Variants in IMMP2L observed in about 807,000 individuals in gnomAD.
The protein encoded by IMMP2L is inner mitochondrial membrane peptidase subunit 2, also known as mitochondrial inner membrane protease subunit 2.
IMMP2L carries 18 observed loss-of-function variants against 19.3 expected under a neutral mutation model. The ratio of observed to expected loss-of-function variants is 0.93; its 90% confidence interval spans 0.64 to 1.38. The LOEUF is 1.38. IMMP2L is among the 40% of genes most tolerant of loss of function. The pLI, the probability that IMMP2L is intolerant of heterozygous loss-of-function variation, is 0.00. For synonymous variants in IMMP2L, 76 were observed against 73.0 expected (o/e 1.04, Z -0.21); for missense variants, 233 against 218.2 (o/e 1.07, Z -0.43).
chr7:111,351,812 T>C (rs1396853874), intron 3 of IMMP2L, among the ~76,000 whole-genome samples: 2 of 152,192 alleles, frequency 1.3e-5, no homozygotes, highest in Admixed American at 1.3e-4. Context: ...ATAAATGTTG[T>C]ATCATATATC....
chr7:111,060,462 G>A (rs558511675), intron 3 of IMMP2L, among the ~76,000 whole-genome samples: 12 of 152,114 alleles, frequency 7.9e-5, no homozygotes, highest in South Asian at 4.1e-4. Context: ...CATAACCTTC[G>A]GCTTTAAATT....
In IMMP2L at chr7:110,698,934, G is replaced by T. The variant is rs188817701; in HGVS notation, c.409-35213C>A. On this transcript the variant is annotated intron_variant, in intron 5 of 5. Transcript: ENST00000405709. Reference sequence around the variant, plus strand: ...TTGAATTCTTATTTTTTAAGTAAATGCTAACGACATGGTAATCGTTTTTAT... The same window carrying T: ...TTGAATTCTTATTTTTTAAGTAAATTCTAACGACATGGTAATCGTTTTTAT... 1.1e-3 allele frequency among the ~76,000 whole-genome samples: 161 copies of T among 152,286 alleles called. 1 individual carries two copies. Among genetic ancestry groups the T allele is most frequent in the Admixed American group, 0.01 (156 of 15,292 alleles).
intron 3 of IMMP2L, among the ~76,000 whole-genome samples, 199 bp downstream of exon 3, chr7:111,487,039 C>T (rs1197319065): frequency 6.6e-6 from 1 of 151,972 alleles, no homozygotes; most frequent in South Asian, 2.1e-4. Flanking sequence ...ATATGTTAGT[C>T]AACTAACATA....
chr7:110,735,129 A>C (rs1796530790), intron 5 of IMMP2L, among the ~76,000 whole-genome samples: 1 of 152,142 alleles, frequency 6.6e-6, no homozygotes, highest in South Asian at 2.1e-4. Flanking sequence ...GCAACAGAAA[A>C]TTCCATCTCC....
At chr7:111,299,929 AGT>A (rs1283549010) in intron 3 of IMMP2L, among the ~76,000 whole-genome samples, 1 of 32,566 alleles carries the variant, frequency 3.1e-5, no homozygotes, top group African/African-American at 1.8e-4. Flanking sequence ...AGTAACTACA[AGT>A]AAGGAAAGTA....
At chr7:110,725,984 C>G (rs1430061638) in intron 5 of IMMP2L, among the ~76,000 whole-genome samples, 3 of 152,152 alleles carry the variant, frequency 2.0e-5, no homozygotes, top group African/African-American at 7.2e-5. Flanking sequence ...AGTACTATTA[C>G]TCCCATTCTA....
intron 3 of IMMP2L, among the ~76,000 whole-genome samples, chr7:111,173,714 G>A (rs1781870432): frequency 6.6e-6 from 1 of 151,450 alleles, no homozygotes; most frequent in African/African-American, 2.4e-5. Flanking sequence ...CTTCCTCCTG[G>A]GGTGTTTCTT....
At chr7:111,379,835 G>A (rs1831028448) in intron 3 of IMMP2L, among the ~76,000 whole-genome samples, 3 of 151,766 alleles carry the variant, frequency 2.0e-5, no homozygotes, top group South Asian at 2.1e-4. Flanking sequence ...ATTTTTAGAC[G>A]AAATAACATT....
intron 3 of IMMP2L, among the ~76,000 whole-genome samples, chr7:111,423,885 CA>C (rs757412510): frequency 6.6e-6 from 1 of 151,744 alleles, no homozygotes; most frequent in Non-Finnish European, 1.5e-5. Context: ...AAAACATCAA[CA>C]AAATTGACAG....
At chr7:111,475,577 T>C (rs931543920) in intron 3 of IMMP2L, among the ~76,000 whole-genome samples, 2 of 152,154 alleles carry the variant, frequency 1.3e-5, no homozygotes, top group African/African-American at 4.8e-5. Context: ...CAGCGGACAC[T>C]GTGTTTACCA....
At chr7:110,677,820 A>C (rs758155836) in intron 5 of IMMP2L, among the ~76,000 whole-genome samples, 2 of 152,146 alleles carry the variant, frequency 1.3e-5, no homozygotes, top group Non-Finnish European at 2.9e-5. Context: ...AGGTTAGTAC[A>C]GGGAGGAAGG....
intron 3 of IMMP2L, among the ~76,000 whole-genome samples, chr7:111,350,402 G>A (rs1420972802): frequency 1.3e-5 from 2 of 151,456 alleles, no homozygotes; most frequent in Non-Finnish European, 2.9e-5. Context: ...AAATATTAGT[G>A]TATATTATTA....
At chr7:111,337,451 AGGATGGATGGATGGATGGATGGAT>A (rs140122085) in intron 3 of IMMP2L, among the ~76,000 whole-genome samples, 6 of 148,762 alleles carry the variant, frequency 4.0e-5, no homozygotes, top group Non-Finnish European at 7.4e-5. Flanking sequence ...TTTGGATGGA[AGGATGGATGGATGGATGGATGGAT>A]GGATGGATGG....
chr7:110,808,555 G>C (rs750396113), intron 5 of IMMP2L, among the ~76,000 whole-genome samples: 1 of 152,032 alleles, frequency 6.6e-6, no homozygotes, highest in Non-Finnish European at 1.5e-5. Context: ...CTGTGCACAG[G>C]GGGCATTTGG....
chr7:111,366,987 T>G (rs1414994123), intron 3 of IMMP2L, among the ~76,000 whole-genome samples: 1 of 151,844 alleles, frequency 6.6e-6, no homozygotes, highest in Non-Finnish European at 1.5e-5. Flanking sequence ...TTGATGTAAG[T>G]TTAAAATCAT....
intron 3 of IMMP2L, among the ~76,000 whole-genome samples, chr7:111,353,710 A>G (rs1028335924): frequency 6.6e-6 from 1 of 152,188 alleles, no homozygotes; most frequent in Non-Finnish European, 1.5e-5. Flanking sequence ...GAAAACATAT[A>G]CAGACTACAT....
At chr7:111,199,579 T>C (rs1251921777) in intron 3 of IMMP2L, among the ~76,000 whole-genome samples, 1 of 152,134 alleles carries the variant, frequency 6.6e-6, no homozygotes, top group Non-Finnish European at 1.5e-5. Flanking sequence ...CTATATAATT[T>C]GATTTGAGTA....
intron 3 of IMMP2L, among the ~76,000 whole-genome samples, chr7:111,202,990 T>C (rs1023540396): frequency 5.3e-5 from 8 of 152,180 alleles, no homozygotes; most frequent in Admixed American, 1.3e-4. Flanking sequence ...TTAATGGTTA[T>C]GGGGAAGTAA....
chr7:110,925,012 T>C (rs1357340586), intron 4 of IMMP2L, among the ~76,000 whole-genome samples: 1 of 152,198 alleles, frequency 6.6e-6, no homozygotes, highest in Non-Finnish European at 1.5e-5. Flanking sequence ...AGGAGTATGA[T>C]GAAGAAAGAT....
Sources: gnomAD v4.1 joint callset for allele counts (sites outside exome capture counted in the v4.1 genomes callset) on GRCh38, gnomAD v4.1.1 for gene constraint, MANE v1.5 for transcripts, NCBI Gene and HGNC (gene_info 2026-07-23, HGNC 2026-07-21) for gene names.